The following ARFGEF3 variants were observed in gnomAD, a reference collection of about 807,000 sequenced individuals.
ARFGEF3 encodes the protein brefeldin A-inhibited guanine nucleotide-exchange protein 3.
A neutral mutation model predicts 221.7 loss-of-function variants in ARFGEF3; 96 were observed. The observed-to-expected ratio is 0.43, with a 90% CI of 0.37 to 0.51. The LOEUF (loss-of-function observed/expected upper bound fraction) is 0.51. Ranked by LOEUF, ARFGEF3 falls within the 20% of genes least tolerant of loss-of-function variation. ARFGEF3 has a pLI of 0.00. For synonymous variants in ARFGEF3, 1,145 were observed against 1,126.8 expected, an observed-to-expected ratio of 1.02 and a Z score of -0.32; for missense variants, 2,410 against 2,789.9, an observed-to-expected ratio of 0.86 and a Z score of 3.07.
chr6:138,270,659 G>A (rs1778988398), intron 12 of ARFGEF3, among the ~76,000 whole-genome samples: 1 of 152,212 alleles, frequency 6.6e-6, no homozygotes, highest in Non-Finnish European at 1.5e-5. Context: ...GTAGGTGAAA[G>A]GTGAGGATTC....
chr6:138,234,554 C>T (rs952213134), intron 5 of ARFGEF3, among the ~76,000 whole-genome samples: 3 of 151,840 alleles, frequency 2.0e-5, no homozygotes, highest in African/African-American at 7.3e-5. Flanking sequence ...TGCCACATAC[C>T]TACCTGTTGA....
intron 2 of ARFGEF3, among the ~76,000 whole-genome samples, chr6:138,196,389 G>A (rs1421247964): frequency 6.6e-6 from 1 of 152,252 alleles, no homozygotes; most frequent in African/African-American, 2.4e-5. Flanking sequence ...GCATGTTACT[G>A]CATGAATACT....
At chr6:138,284,604 G>C (rs916987850) in intron 14 of ARFGEF3, among the ~76,000 whole-genome samples, 1 of 152,158 alleles carries the variant, frequency 6.6e-6, no homozygotes, top group South Asian at 2.1e-4. Flanking sequence ...CTGTAGAAAA[G>C]AATTTGTTTC....
rs766988160 is a variant in ARFGEF3, at chr6:138,336,289, T to C, written c.6343-6T>C. 1.3e-6 allele frequency: 2 copies of C among 1,510,290 alleles called. No individual in the cohort carries two copies. The highest frequency in any genetic ancestry group is 1.8e-6 in the Non-Finnish European group (2 of 1,123,398). 93.6% of individuals were successfully genotyped at this position (1,510,290 alleles called of 1,614,324 possible). A position where few individuals can be genotyped will look rare whatever the true frequency, so the allele number is the denominator to read the frequency against. On this transcript the variant is annotated splice_region_variant and splice_polypyrimidine_tract_variant and intron_variant, in intron 33 of 33. Transcript: ENST00000251691. Reference sequence around the variant, plus strand: ...GCCACTGATTTTCTTAAATCTTTTCTCTTAGGCATGGACCAACATGGTGCT... The same window carrying C: ...GCCACTGATTTTCTTAAATCTTTTCCCTTAGGCATGGACCAACATGGTGCT...
At position 138,291,688 on chromosome 6, in the gene ARFGEF3, G is replaced by T; in HGVS notation, c.3048-45G>T. ...ACTGTGGGGTTTATGGAGCTGCCGG[G>T]GTGAGCTGCAGCGCCTAACAGCTGC... is the stretch of plus-strand genomic sequence containing the variant. On this transcript the variant is annotated intron_variant, in intron 18 of 33. Transcript: ENST00000251691. This position sits in a 1 kb window ranked among gnomAD's most constrained non-coding sequence, Gnocchi z 4.5. 7.9e-7 allele frequency: 1 copy of T among 1,266,146 alleles called. No individual in the cohort carries two copies. The allele number at this position is 1,266,146 out of a possible 1,614,324, so 78.4% of individuals were successfully genotyped here.
chr6:138,192,266 C>G (rs7747428), intron 2 of ARFGEF3, among the ~76,000 whole-genome samples: 1 of 151,968 alleles, frequency 6.6e-6, no homozygotes, highest in Non-Finnish European at 1.5e-5. Context: ...AGGCAGGTGG[C>G]TCACCTGAGG....
intron 3 of ARFGEF3, among the ~76,000 whole-genome samples, chr6:138,208,788 C>T (rs533072022): frequency 2.0e-4 from 30 of 152,244 alleles, no homozygotes; most frequent in South Asian, 1.0e-3. Flanking sequence ...TAATATCAGA[C>T]CACTCTTGAG....
chr6:138,180,717 T>A (rs1777062761), intron 2 of ARFGEF3, among the ~76,000 whole-genome samples: 1 of 152,218 alleles, frequency 6.6e-6, no homozygotes, highest in South Asian at 2.1e-4. Context: ...GAAGACATTG[T>A]CAGCCTTTCT....
chr6:138,173,435 T>C (rs1433270413), intron 2 of ARFGEF3, among the ~76,000 whole-genome samples: 1 of 152,118 alleles, frequency 6.6e-6, no homozygotes, highest in Non-Finnish European at 1.5e-5. Context: ...AGTGAGGTTT[T>C]CTGTGGTTCT....
chr6:138,253,813 C>T, intron 8 of ARFGEF3, 67 bp from the exon 9 acceptor site: 1 of 1,281,444 alleles, frequency 7.8e-7, no homozygotes, highest in South Asian at 1.3e-5. Context: ...AGCGTGTTTC[C>T]ACACATCACC....
In ARFGEF3 at chr6:138,162,394, G is replaced by T. The variant is rs1776635963; in HGVS notation, c.85+223G>T. ...CTTTCACTCTCCGAAACCTTCCTCGGGAACCGCTGTCCTCCCTGCCTGGCG... is the reference window on the plus strand; with the variant it reads ...CTTTCACTCTCCGAAACCTTCCTCGTGAACCGCTGTCCTCCCTGCCTGGCG... On this transcript the variant is annotated intron_variant, in intron 1 of 33. Coordinates refer to ENST00000251691, the MANE Select transcript of ARFGEF3 (RefSeq NM_020340.5). This position sits in a 1 kb window ranked among gnomAD's most constrained non-coding sequence, Gnocchi z 4.7. Among the ~76,000 whole-genome samples, 1 of 152,188 alleles carries T rather than the reference G, an allele frequency of 6.6e-6. No homozygotes were observed. Among genetic ancestry groups the T allele is most frequent in the Non-Finnish European group, 1.5e-5 (1 of 68,032 alleles).
Position 138,334,038 on chromosome 6 carries a change from T to C in ARFGEF3, c.5192T>C (p.Ile1731Thr). The C allele has an allele frequency of 1.2e-6, 2 of 1,613,946 alleles. No homozygotes were observed. The highest frequency in any genetic ancestry group is 8.5e-7 in the Non-Finnish European group (1 of 1,179,864). The change falls in exon 33 of 34, where the codon ATC becomes ACC. Residue 1731 changes from isoleucine to threonine, a missense_variant. Physicochemically the swap from Ile to Thr is moderately conservative, Grantham distance 89. Transcript: ENST00000251691. This position sits in a 1 kb window ranked among gnomAD's most constrained non-coding sequence, Gnocchi z 5.1. Reference protein sequence around the residue: ...HQVLLQNLYDILLEEFVKGPS... With the variant: ...HQVLLQNLYDTLLEEFVKGPS... ...GTGTTACTCCAGAACTTATATGACA[T>C]CTTGTTAGAAGAGTTTGTCAAAGGC...
intron 12 of ARFGEF3, among the ~76,000 whole-genome samples, chr6:138,268,082 G>C (rs1337170626): frequency 6.6e-6 from 1 of 152,068 alleles, no homozygotes; most frequent in African/African-American, 2.4e-5. Flanking sequence ...CGTTGCTTTG[G>C]CTACCCCTTC....
intron 19 of ARFGEF3, 87 bp from the exon 20 acceptor site, chr6:138,293,906 A>T: frequency 7.5e-7 from 1 of 1,328,404 alleles, no homozygotes; most frequent in South Asian, 1.3e-5. Context: ...TCCATTAATC[A>T]CATCAACAAA....
chr6:138,277,691 G>A (rs79863792), intron 12 of ARFGEF3, among the ~76,000 whole-genome samples: 5,724 of 152,164 alleles, frequency 0.038, 148 homozygotes, highest in Non-Finnish European at 0.056. Context: ...TAGGCATTGG[G>A]GATTCTGTAG....
intron 14 of ARFGEF3, among the ~76,000 whole-genome samples, 200 bp downstream of exon 14, chr6:138,280,364 G>T (rs1172250499): frequency 2.0e-5 from 3 of 152,202 alleles, no homozygotes; most frequent in African/African-American, 7.2e-5. Flanking sequence ...CCATGTGGGA[G>T]TCTGTAGGGT....
intron 16 of ARFGEF3, 56 bp from the exon 17 acceptor site, chr6:138,287,017 AG>A: frequency 1.3e-6 from 2 of 1,559,482 alleles, no homozygotes; most frequent in Non-Finnish European, 1.7e-6. Flanking sequence ...GGGTTCTGCT[AG>A]GTGAATGGTT....
chr6:138,298,872 C>T, intron 22 of ARFGEF3, 87 bp downstream of exon 22: 2 of 979,200 alleles, frequency 2.0e-6, no homozygotes, highest in South Asian at 3.3e-5. Flanking sequence ...CACACTTACT[C>T]TTTCCAATAA....
intron 1 of ARFGEF3, among the ~76,000 whole-genome samples, chr6:138,163,914 A>G (rs1194312116): frequency 1.3e-5 from 2 of 152,224 alleles, no homozygotes; most frequent in African/African-American, 2.4e-5. Context: ...TGTGTTGTCC[A>G]TGGATTGGGG....
Sources: gnomAD v4.1 joint callset for allele counts (sites outside exome capture counted in the v4.1 genomes callset) on GRCh38, gnomAD v4.1.1 for gene constraint, Gnocchi (gnomAD v3.1) non-coding constraint, MANE v1.5 for transcripts, NCBI Gene and HGNC (gene_info 2026-07-23, HGNC 2026-07-21) for gene names.